HYCC2: variants seen among roughly 807,000 people sequenced by gnomAD.
HYCC2 encodes the protein hyccin 2.
the HYCC2 span, chr2:200,980,809 C>T: frequency 6.2e-6 from 1 of 160,494 alleles, no homozygotes; most frequent in African/African-American, 2.4e-5. Flanking sequence ...CTGAGGCACT[C>T]CTGGTTAAGA....
At chr2:201,012,557 T>C in the HYCC2 span, among the ~76,000 whole-genome samples, 1 of 152,226 alleles carries the variant, frequency 6.6e-6, no homozygotes, top group African/African-American at 2.4e-5. Context: ...GTTCTTGTGA[T>C]TTTTTAGAAA....
chr2:201,019,816 TCA>T, the HYCC2 span, among the ~76,000 whole-genome samples: 1 of 151,122 alleles, frequency 6.6e-6, no homozygotes, highest in African/African-American at 2.4e-5. Context: ...GTGGCCAGGC[TCA>T]ATAGCTCATG....
At chr2:201,042,189 C>T in the HYCC2 span, among the ~76,000 whole-genome samples, 24 of 152,336 alleles carry the variant, frequency 1.6e-4, no homozygotes, top group South Asian at 2.7e-3. Flanking sequence ...AGCTCCTGAC[C>T]GCGAGTGGTC....
the HYCC2 span, among the ~76,000 whole-genome samples, chr2:201,035,335 G>A: frequency 2.6e-5 from 4 of 151,692 alleles, no homozygotes; most frequent in Admixed American, 6.6e-5. Flanking sequence ...TTCTCTTTTC[G>A]CTTCATTTCA....
chr2:200,995,014 A>AG, the HYCC2 span, among the ~76,000 whole-genome samples: 1 of 152,102 alleles, frequency 6.6e-6, no homozygotes, highest in South Asian at 2.1e-4. Flanking sequence ...TCAAAAAAAA[A>AG]AAAAAAGAAA....
At chr2:201,019,264 T>C in the HYCC2 span, among the ~76,000 whole-genome samples, 4 of 152,160 alleles carry the variant, frequency 2.6e-5, no homozygotes, top group African/African-American at 9.6e-5. Context: ...ATGAATTTCT[T>C]CTATGAAGAC....
the HYCC2 span, among the ~76,000 whole-genome samples, chr2:201,025,711 A>G: frequency 1.3e-5 from 2 of 152,154 alleles, no homozygotes; most frequent in Non-Finnish European, 2.9e-5. Flanking sequence ...TTTGGAGTAC[A>G]GGGCACAATG....
chr2:200,987,852 TA>T, the HYCC2 span, among the ~76,000 whole-genome samples: 1 of 152,164 alleles, frequency 6.6e-6, no homozygotes, highest in Non-Finnish European at 1.5e-5. Context: ...AAGGCAAAGA[TA>T]AAAATCCAAA....
chr2:200,999,609 C>T, the HYCC2 span, among the ~76,000 whole-genome samples: 1 of 149,502 alleles, frequency 6.7e-6, no homozygotes. Flanking sequence ...AGGCTGGTCT[C>T]GAACTCCTGA....
At chr2:201,003,479 G>A in the HYCC2 span, among the ~76,000 whole-genome samples, 3 of 152,194 alleles carry the variant, frequency 2.0e-5, no homozygotes, top group South Asian at 4.1e-4. Flanking sequence ...GGGAGGCTGA[G>A]GTGGGTGGAT....
the HYCC2 span, chr2:200,992,475 A>C: frequency 7.7e-6 from 6 of 778,898 alleles, no homozygotes; most frequent in Non-Finnish European, 1.3e-5. Context: ...CAAAACTTTC[A>C]TACCAAGTGT....
chr2:201,062,305 G>A, the HYCC2 span, among the ~76,000 whole-genome samples: 1 of 151,816 alleles, frequency 6.6e-6, no homozygotes, highest in Admixed American at 6.6e-5. Context: ...GATCACTTGA[G>A]GTCAGGAATT....
chr2:201,013,414 G>A, the HYCC2 span, among the ~76,000 whole-genome samples: 3 of 150,726 alleles, frequency 2.0e-5, no homozygotes, highest in African/African-American at 7.3e-5. Context: ...ACGTTGCAGA[G>A]AGCTAAGACT....
chr2:201,016,083 T>C, the HYCC2 span, among the ~76,000 whole-genome samples: 1 of 152,152 alleles, frequency 6.6e-6, no homozygotes, highest in South Asian at 2.1e-4. Flanking sequence ...ATTTTCAGTG[T>C]CCAACTCAAT....
the HYCC2 span, chr2:201,063,579 T>C: frequency 6.3e-7 from 1 of 1,585,210 alleles, no homozygotes; most frequent in Non-Finnish European, 8.6e-7. Context: ...AAGATTGTCA[T>C]TCAGAAATAC....
chr2:201,071,490 G>A, the HYCC2 span: 1 of 152,414 alleles, frequency 6.6e-6, no homozygotes, highest in African/African-American at 2.4e-5. Context: ...CCAACACACC[G>A]GCTACCGCCT....
At chr2:201,001,602 A>C in the HYCC2 span, among the ~76,000 whole-genome samples, 1 of 152,242 alleles carries the variant, frequency 6.6e-6, no homozygotes, top group Non-Finnish European at 1.5e-5. Flanking sequence ...TATTGTATGG[A>C]TCCATTCATG....
the HYCC2 span, chr2:200,979,547 T>C: frequency 6.6e-6 from 1 of 152,514 alleles, no homozygotes; most frequent in East Asian, 1.9e-4. Context: ...AAAGGCGTTT[T>C]TTCTGGTTAT....
the HYCC2 span, chr2:201,052,154 C>T: frequency 2.6e-5 from 4 of 152,076 alleles, no homozygotes; most frequent in African/African-American, 9.7e-5. Flanking sequence ...AAAAACTAGC[C>T]CAGTGCAGTG....
Sources: gnomAD v4.1 joint callset for allele counts (sites outside exome capture counted in the v4.1 genomes callset) on GRCh38, gnomAD v4.1.1 for gene constraint, MANE v1.5 for transcripts, NCBI Gene and HGNC (gene_info 2026-07-23, HGNC 2026-07-21) for gene names.